The following MINDY2 variants were observed in gnomAD, a reference collection of about 807,000 sequenced individuals.
The protein encoded by MINDY2 is ubiquitin carboxyl-terminal hydrolase MINDY-2.
Under a neutral mutation model 68.2 loss-of-function variants are expected in MINDY2, and 52 were observed. That is an observed-to-expected ratio of 0.76 (90% CI 0.61 to 0.96). The LOEUF is 0.96. MINDY2 is among the 40% of genes least tolerant of loss of function. MINDY2 has a pLI of 0.00. For synonymous variants in MINDY2, 372 were observed against 303.0 expected (o/e 1.23, Z -2.36); for missense variants, 881 against 773.4 (o/e 1.14, Z -1.65).
At position 58,796,617 on chromosome 15, in the gene MINDY2, A is replaced by G. The variant is rs1902299532; in HGVS notation, c.899-5696A>G. Among the ~76,000 whole-genome samples the G allele has an allele frequency of 2.6e-5, 4 of 152,166 alleles. No homozygotes were observed. In the South Asian group the frequency reaches 8.3e-4, roughly 31 times the overall value. On this transcript the variant is annotated intron_variant, in intron 2 of 8. Coordinates refer to ENST00000559228, the MANE Select transcript of MINDY2 (RefSeq NM_001040450.3). ...TTGCTCACTGCAACCTCTGCCTCCC[A>G]GGTTCAAGCAATTCTCTTGCCTCAG...
chr15:58,851,730 A>C, intron 7 of MINDY2, 41 bp from the exon 8 acceptor site: 1 of 1,443,774 alleles, frequency 6.9e-7, no homozygotes, highest in Non-Finnish European at 9.3e-7. Flanking sequence ...ATTCTTGGGT[A>C]AAATCTCATA....
intron 4 of MINDY2, chr15:58,815,857 T>C (rs542876078): frequency 6.6e-6 from 1 of 152,084 alleles, no homozygotes; most frequent in South Asian, 2.1e-4. Flanking sequence ...TCTTTGTATT[T>C]TTAGTAGAGA....
chr15:58,810,633 C>G (rs961139964), intron 4 of MINDY2, among the ~76,000 whole-genome samples: 7 of 152,084 alleles, frequency 4.6e-5, no homozygotes, highest in African/African-American at 1.7e-4. Context: ...GAAGACCACC[C>G]GTACTTCTCA....
Position 58,771,935 on chromosome 15 carries a change from T to C in MINDY2, c.540T>C (p.Ser180=). 1 of 1,553,730 alleles carries C rather than the reference T, an allele frequency of 6.4e-7. No homozygotes were observed. The highest frequency in any genetic ancestry group is 8.7e-7 in the Non-Finnish European group (1 of 1,151,642). The change falls in exon 1 of 9, where the codon TCT becomes TCC. Residue 180 remains serine, a synonymous_variant. Transcript: ENST00000559228. ...GCCTGGACTCTCTGGAGTCGTTCTC[T>C]AACCTGCATTCTTTTCCCAGTAGCT... ...SPSLDSLESF[S]NLHSFPSSCE... is the part of the protein sequence containing the mutation.
chr15:58,856,108 T>G lies in MINDY2; in HGVS notation c.*1498T>G, dbSNP rs367902488. ...TATATATAGTTTGGAAAACTATCCT[T>G]AATAGTCTGTTTTATATGCCTTATA... On this transcript the variant is annotated 3_prime_UTR_variant, in exon 9 of 9. Coordinates refer to ENST00000559228, the MANE Select transcript of MINDY2 (RefSeq NM_001040450.3). The G allele has an allele frequency of 3.2e-4, 49 of 152,788 alleles. No individual in the cohort carries two copies. The highest frequency in any genetic ancestry group is 1.1e-3 in the African/African-American group (47 of 41,582). The allele number at this position is 152,788 out of a possible 1,614,324, so 9.5% of individuals were successfully genotyped here.
intron 7 of MINDY2, among the ~76,000 whole-genome samples, chr15:58,848,620 C>T (rs1455613850): frequency 6.6e-6 from 1 of 152,082 alleles, no homozygotes; most frequent in Non-Finnish European, 1.5e-5. Context: ...GTGGCGGGCG[C>T]CTGTAGTCGC....
chr15:58,828,858 A>G (rs2031564951), intron 5 of MINDY2, among the ~76,000 whole-genome samples: 1 of 151,966 alleles, frequency 6.6e-6, no homozygotes, highest in Non-Finnish European at 1.5e-5. Context: ...CCCAGTCTTA[A>G]ATTTCTGAAT....
intron 6 of MINDY2, among the ~76,000 whole-genome samples, chr15:58,846,808 C>A (rs2032560734): frequency 6.6e-6 from 1 of 151,786 alleles, no homozygotes; most frequent in Admixed American, 6.6e-5. Flanking sequence ...AAGAAGTACA[C>A]TGATAATACA....
chr15:58,791,218 TATATATATATATATA>T (rs1901877907), intron 2 of MINDY2, among the ~76,000 whole-genome samples: 3 of 16,292 alleles, frequency 1.8e-4, no homozygotes, highest in African/African-American at 1.1e-3. Context: ...AGCAATTTTA[TATATATATATATATA>T]TATATATATA....
At chr15:58,841,498 C>G (rs1185837839) in intron 6 of MINDY2, among the ~76,000 whole-genome samples, 1 of 151,470 alleles carries the variant, frequency 6.6e-6, no homozygotes, top group Non-Finnish European at 1.5e-5. Context: ...CTCTGCCTCC[C>G]AGGTTCAAGC....
chr15:58,813,537 C>G (rs1478563259), intron 4 of MINDY2, among the ~76,000 whole-genome samples: 2 of 152,166 alleles, frequency 1.3e-5, no homozygotes, highest in Non-Finnish European at 2.9e-5. Flanking sequence ...TTTTTCATTT[C>G]TCTGGGTTAA....
At chr15:58,803,636 A>G (rs1045029086) in intron 3 of MINDY2, among the ~76,000 whole-genome samples, 5 of 151,874 alleles carry the variant, frequency 3.3e-5, no homozygotes, top group Admixed American at 6.6e-5. Flanking sequence ...TTCAACATGG[A>G]AAAACCCCAC....
At chr15:58,833,485 C>A (rs890318739) in intron 6 of MINDY2, among the ~76,000 whole-genome samples, 1 of 152,274 alleles carries the variant, frequency 6.6e-6, no homozygotes, top group East Asian at 1.9e-4. Flanking sequence ...TGCGGAGGAT[C>A]CACGCCGGCA....
At chr15:58,781,404 T>C (rs941092549) in intron 1 of MINDY2, among the ~76,000 whole-genome samples, 24 of 152,162 alleles carry the variant, frequency 1.6e-4, no homozygotes, top group Non-Finnish European at 7.3e-5. Context: ...TCTTTATTGC[T>C]CTAAAACACT....
intron 2 of MINDY2, among the ~76,000 whole-genome samples, chr15:58,801,156 T>C (rs1902623874): frequency 6.6e-6 from 1 of 151,932 alleles, no homozygotes; most frequent in Admixed American, 6.6e-5. Flanking sequence ...GTATTTTTAC[T>C]AGAAACAGGA....
intron 3 of MINDY2, among the ~76,000 whole-genome samples, chr15:58,804,098 C>T (rs1409809467): frequency 1.3e-5 from 2 of 151,202 alleles, no homozygotes; most frequent in Non-Finnish European, 1.5e-5. Context: ...CACTGCACTC[C>T]AGCCGGGGCG....
In MINDY2 at chr15:58,771,373, G is replaced by C; in HGVS notation, c.-23G>C. ...CGGAGAAGTGGCCGCGGTCTCCATA[G>C]AGCTGGGGGCGGGCGGCCCGGTATG... On this transcript the variant is annotated 5_prime_UTR_variant, in exon 1 of 9. The change abolishes the stop of an existing upstream ORF in the 5' untranslated region. Transcript: ENST00000559228. 1.9e-6 allele frequency: 3 copies of C among 1,591,632 alleles called. No individual in the cohort carries two copies. Among genetic ancestry groups the C allele is most frequent in the Non-Finnish European group, 2.6e-6 (3 of 1,171,180 alleles).
At chr15:58,799,962 G>A (rs1486365322) in intron 2 of MINDY2, among the ~76,000 whole-genome samples, 1 of 152,210 alleles carries the variant, frequency 6.6e-6, no homozygotes. Flanking sequence ...GAGACTGGCG[G>A]GGGCGCATAG....
At chr15:58,801,798 C>T (rs1461500938) in intron 2 of MINDY2, among the ~76,000 whole-genome samples, 2 of 152,126 alleles carry the variant, frequency 1.3e-5, no homozygotes, top group African/African-American at 4.8e-5. Context: ...CGCCACCATG[C>T]CCGGCTAATT....
Sources: allele counts gnomAD v4.1 joint callset (sites outside exome capture counted in the v4.1 genomes callset), GRCh38; gene constraint gnomAD v4.1.1; transcripts MANE v1.5; gene names NCBI Gene and HGNC (gene_info 2026-07-23, HGNC 2026-07-21).